Variants in LINGO2 observed in about 807,000 individuals in gnomAD.
LINGO2 encodes the protein leucine-rich repeat and immunoglobulin-like domain-containing nogo receptor-interacting protein 2.
LINGO2 carries 14 observed loss-of-function variants against 30.6 expected under a neutral mutation model. The observed-to-expected ratio is 0.46, with a 90% CI of 0.30 to 0.72. The LOEUF is 0.72. LINGO2 is among the 30% of genes least tolerant of loss of function. LINGO2 has a pLI of 0.07. For synonymous variants in LINGO2, 317 were observed against 288.5 expected, an observed-to-expected ratio of 1.10 and a Z score of -1.00; for missense variants, 729 against 751.7, an observed-to-expected ratio of 0.97 and a Z score of 0.35.
At chr9:28,633,832 T>C (rs1827116276) in intron 1 of LINGO2, among the ~76,000 whole-genome samples, 2 of 152,200 alleles carry the variant, frequency 1.3e-5, no homozygotes, top group Non-Finnish European at 2.9e-5. Flanking sequence ...TGGAACACAA[T>C]GCGTAGTCAA....
At chr9:28,051,252 G>T (rs1380225906) in intron 4 of LINGO2, among the ~76,000 whole-genome samples, 1 of 140,724 alleles carries the variant, frequency 7.1e-6, no homozygotes, top group African/African-American at 2.7e-5. Flanking sequence ...AAAACTATCA[G>T]AAAGAATATA....
rs756985842 is a variant in LINGO2, at chr9:27,950,100, G to A, written c.572C>T (p.Ala191Val). The A allele has an allele frequency of 1.9e-6, 3 of 1,614,076 alleles. No individual in the cohort carries two copies. In the Admixed American group the frequency reaches 5.0e-5, roughly 27 times the overall value. ...GTGGGAGAGGGCTTCTGTTGGTACT[G>A]CTGTTAAGTTGCATTTCTCCAGGGT... The change falls in exon 6 of 6, where the codon GCA (alanine) becomes GTA (valine). Residue 191 changes from alanine (A) to valine (V), a missense_variant. Transcript: ENST00000379992.
At chr9:28,947,989 A>G in the LINGO2 span, among the ~76,000 whole-genome samples, 2 of 152,040 alleles carry the variant, frequency 1.3e-5, no homozygotes, top group Non-Finnish European at 1.5e-5. Context: ...TGCTCAGCTA[A>G]AATTCCACAT....
chr9:28,082,331 G>A (rs1825794456), intron 4 of LINGO2, among the ~76,000 whole-genome samples: 1 of 152,098 alleles, frequency 6.6e-6, no homozygotes, highest in South Asian at 2.1e-4. Flanking sequence ...ACCAGTTTGT[G>A]CCTAAACTCA....
At chr9:28,557,249 T>C (rs982034020) in intron 1 of LINGO2, among the ~76,000 whole-genome samples, 1 of 151,984 alleles carries the variant, frequency 6.6e-6, no homozygotes, top group African/African-American at 2.4e-5. Flanking sequence ...CCTACTCATC[T>C]GACAAAGGGC....
At chr9:28,910,502 C>T in the LINGO2 span, among the ~76,000 whole-genome samples, 1 of 151,962 alleles carries the variant, frequency 6.6e-6, no homozygotes, top group Non-Finnish European at 1.5e-5. Context: ...AATTGTAATT[C>T]CCCATGTTGG....
chr9:28,993,167 A>G, the LINGO2 span, among the ~76,000 whole-genome samples: 4 of 152,164 alleles, frequency 2.6e-5, no homozygotes, highest in Admixed American at 2.6e-4. Flanking sequence ...GACACAATAA[A>G]AAATGATAAA....
the LINGO2 span, among the ~76,000 whole-genome samples, chr9:28,991,561 T>G: frequency 1.5e-5 from 2 of 129,132 alleles, no homozygotes; most frequent in Non-Finnish European, 3.3e-5. Context: ...GACACATAAT[T>G]GTCAGATTCA....
At chr9:28,792,615 T>G in the LINGO2 span, among the ~76,000 whole-genome samples, 1,048 of 152,222 alleles carry the variant, frequency 6.9e-3, 5 homozygotes, top group Non-Finnish European at 0.012. Flanking sequence ...TCAGCAAATT[T>G]CCCTATCATG....
the LINGO2 span, among the ~76,000 whole-genome samples, chr9:29,204,282 G>C: frequency 6.6e-6 from 1 of 152,164 alleles, no homozygotes; most frequent in African/African-American, 2.4e-5. Flanking sequence ...CACCTCTTAG[G>C]AAAATCTTTC....
the LINGO2 span, among the ~76,000 whole-genome samples, chr9:28,728,100 G>A: frequency 6.6e-6 from 1 of 152,106 alleles, no homozygotes; most frequent in African/African-American, 2.4e-5. Flanking sequence ...ACAGAGAACT[G>A]GGATTGAGGT....
the LINGO2 span, among the ~76,000 whole-genome samples, chr9:29,051,446 TGATAATTCA>T: frequency 2.0e-5 from 3 of 152,160 alleles, no homozygotes; most frequent in East Asian, 3.9e-4. Flanking sequence ...TTTCATGGCT[TGATAATTCA>T]TTTCCTTGTA....
chr9:28,502,380 T>C (rs1819928406), intron 1 of LINGO2, among the ~76,000 whole-genome samples: 1 of 152,086 alleles, frequency 6.6e-6, no homozygotes, highest in Non-Finnish European at 1.5e-5. Context: ...TTCATTTTTC[T>C]GATTTCCACA....
the LINGO2 span, among the ~76,000 whole-genome samples, chr9:29,180,486 A>C: frequency 1.3e-5 from 2 of 152,210 alleles, no homozygotes; most frequent in African/African-American, 4.8e-5. Context: ...TCTAAAATCC[A>C]GACTACTGTA....
At chr9:28,999,753 T>G in the LINGO2 span, among the ~76,000 whole-genome samples, 3 of 152,004 alleles carry the variant, frequency 2.0e-5, no homozygotes, top group South Asian at 4.1e-4. Context: ...TGAGTGTATA[T>G]TGTGCATTAT....
At chr9:28,893,284 T>C in the LINGO2 span, among the ~76,000 whole-genome samples, 1 of 152,004 alleles carries the variant, frequency 6.6e-6, no homozygotes, top group African/African-American at 2.4e-5. Context: ...CATTTCTCAA[T>C]ATATGATGGT....
At chr9:28,942,121 G>A in the LINGO2 span, among the ~76,000 whole-genome samples, 1 of 152,088 alleles carries the variant, frequency 6.6e-6, no homozygotes, top group Non-Finnish European at 1.5e-5. Flanking sequence ...TCTTTGTATT[G>A]TAAAGTGAAA....
At chr9:28,087,910 C>T (rs1037366925) in intron 4 of LINGO2, among the ~76,000 whole-genome samples, 1 of 151,978 alleles carries the variant, frequency 6.6e-6, no homozygotes, top group African/African-American at 2.4e-5. Flanking sequence ...GTAAAAGAAA[C>T]TCTTTGGTTT....
chr9:28,548,247 C>G (rs949227518), intron 1 of LINGO2, among the ~76,000 whole-genome samples: 4 of 151,982 alleles, frequency 2.6e-5, no homozygotes, highest in African/African-American at 9.7e-5. Flanking sequence ...GGGACTGTTA[C>G]GTAGGATAAA....
Sources: allele counts gnomAD v4.1 joint callset (sites outside exome capture counted in the v4.1 genomes callset), GRCh38; gene constraint gnomAD v4.1.1; transcripts MANE v1.5; gene names NCBI Gene and HGNC (gene_info 2026-07-23, HGNC 2026-07-21).